The following AK7 variants were observed in gnomAD, a reference collection of about 807,000 sequenced individuals.
The protein encoded by AK7 is ATP-AMP transphosphorylase 7.
In AK7, 78 loss-of-function variants were observed where a neutral mutation model predicts 96.6. That is an observed-to-expected ratio of 0.81 (90% CI 0.67 to 0.97). The LOEUF is 0.97. Ranked by LOEUF, AK7 falls within the 50% of genes least tolerant of loss-of-function variation. AK7 has a pLI of 0.00. For synonymous variants in AK7, 302 were observed against 317.2 expected, an observed-to-expected ratio of 0.95 and a Z score of 0.51; for missense variants, 855 against 887.9, an observed-to-expected ratio of 0.96 and a Z score of 0.47.
At chr14:96,413,971 G>A (rs1891184295) in intron 4 of AK7, among the ~76,000 whole-genome samples, 1 of 152,132 alleles carries the variant, frequency 6.6e-6, no homozygotes, top group Admixed American at 6.6e-5. Context: ...AGCCATGATG[G>A]TTCTATTCTT....
intron 3 of AK7, among the ~76,000 whole-genome samples, chr14:96,407,220 G>C (rs992649563): frequency 2.0e-5 from 3 of 152,132 alleles, no homozygotes; most frequent in Non-Finnish European, 4.4e-5. Flanking sequence ...ACCTCAAAGT[G>C]TGCCAAGTAT....
At chr14:96,452,433 G>A (rs545667475) in intron 10 of AK7, among the ~76,000 whole-genome samples, 22 of 151,010 alleles carry the variant, frequency 1.5e-4, no homozygotes, top group East Asian at 3.9e-4. Flanking sequence ...AGTGATTCTC[G>A]TGCCTCAGCC....
chr14:96,469,415 CT>C (rs963742531), intron 12 of AK7, among the ~76,000 whole-genome samples: 4 of 152,054 alleles, frequency 2.6e-5, no homozygotes, highest in African/African-American at 9.7e-5. Flanking sequence ...ATCCCAGCTA[CT>C]CGGGAGGCTG....
chr14:96,423,481 A>C (rs959782871), intron 5 of AK7, among the ~76,000 whole-genome samples: 4 of 151,570 alleles, frequency 2.6e-5, no homozygotes, highest in Non-Finnish European at 5.9e-5. Context: ...CCCCAAAATG[A>C]AGTTCAAAAT....
At chr14:96,480,725 GA>G (rs966447872) in intron 15 of AK7, among the ~76,000 whole-genome samples, 4 of 152,034 alleles carry the variant, frequency 2.6e-5, no homozygotes, top group African/African-American at 7.2e-5. Context: ...GAAATGTTGA[GA>G]AAAAAAATAA....
intron 4 of AK7, among the ~76,000 whole-genome samples, chr14:96,418,078 T>G (rs1377456730): frequency 1.3e-5 from 2 of 151,894 alleles, no homozygotes; most frequent in Admixed American, 6.6e-5. Context: ...ATTCCAGCAC[T>G]TTGGGAGGCC....
At chr14:96,467,039 G>A (rs1365489000) in intron 12 of AK7, among the ~76,000 whole-genome samples, 2 of 94,464 alleles carry the variant, frequency 2.1e-5, no homozygotes, top group African/African-American at 7.8e-5. Flanking sequence ...AAGTGTAGAC[G>A]AATATGTAAA....
In AK7 at chr14:96,456,486, A is replaced by C; in HGVS notation, c.1227+11A>C. The C allele has an allele frequency of 6.2e-7, 1 of 1,612,084 alleles. No homozygotes were observed. Among genetic ancestry groups the C allele is most frequent in the South Asian group, 1.1e-5 (1 of 90,938 alleles). On this transcript the variant is annotated intron_variant, in intron 11 of 17. Coordinates refer to ENST00000267584, the MANE Select transcript of AK7 (RefSeq NM_152327.5). ...GCCATAGCAAAACTGGTAACACTTT[A>C]AACTATTTTCCTGGGCATTTTAATT...
intron 5 of AK7, 49 bp from the exon 6 acceptor site, chr14:96,437,785 TG>T (rs759519981): frequency 7.1e-7 from 1 of 1,402,376 alleles, no homozygotes; most frequent in South Asian, 1.2e-5. Flanking sequence ...TGGTTCAGTA[TG>T]ACTAATAATA....
Position 96,488,453 on chromosome 14 carries a change from TG to T in AK7, c.*111del. The T allele has an allele frequency of 1.1e-6, 1 of 914,148 alleles. No homozygotes were observed. The highest frequency in any genetic ancestry group is 1.7e-6 in the Non-Finnish European group (1 of 603,582). The allele number at this position is 914,148 out of a possible 1,614,324, so 56.6% of individuals were successfully genotyped here. ...TCCAGTTCTTAGAAAATTCTTTTTT[TG>T]TAGACAAATATTCTATAAACTAGAA... On this transcript the variant is annotated 3_prime_UTR_variant, in exon 18 of 18. Coordinates refer to ENST00000267584, the MANE Select transcript of AK7 (RefSeq NM_152327.5).
chr14:96,444,874 C>A (rs368427355), intron 7 of AK7, among the ~76,000 whole-genome samples: 11 of 152,112 alleles, frequency 7.2e-5, no homozygotes, highest in African/African-American at 2.7e-4. Flanking sequence ...CCGGCCACCA[C>A]GCCTGGCTAT....
At chr14:96,403,114 T>TTAAATAAA (rs59930782) in intron 2 of AK7, among the ~76,000 whole-genome samples, 33,627 of 139,842 alleles carry the variant, frequency 0.24, 4,313 homozygotes, top group Middle Eastern at 0.36. Context: ...AGACTCTGTC[T>TTAAATAAA]TAAATAAATA....
chr14:96,467,345 G>A (rs1330071209), intron 12 of AK7, among the ~76,000 whole-genome samples: 6 of 104,338 alleles, frequency 5.8e-5, no homozygotes, highest in African/African-American at 1.7e-4. Flanking sequence ...TTTTTTTTTT[G>A]GCAACAGATT....
At chr14:96,471,362 A>G in intron 12 of AK7, 116 bp from the exon 13 acceptor site, 2 of 427,358 alleles carry the variant, frequency 4.7e-6, no homozygotes, top group Non-Finnish European at 7.8e-6. Flanking sequence ...AAAGCAAAAT[A>G]GGGATTTCCA....
At chr14:96,402,434 C>T in intron 2 of AK7, among the ~76,000 whole-genome samples, 1 of 152,174 alleles carries the variant, frequency 6.6e-6, no homozygotes, top group Non-Finnish European at 1.5e-5. Flanking sequence ...TTTCTGTGGA[C>T]ACCACTCCCA....
At chr14:96,438,683 T>C (rs1014075987) in intron 6 of AK7, among the ~76,000 whole-genome samples, 4 of 152,002 alleles carry the variant, frequency 2.6e-5, no homozygotes, top group Non-Finnish European at 1.5e-5. Flanking sequence ...TCTGAGTGAG[T>C]TGGACAACCA....
At chr14:96,431,509 C>T (rs548185182) in intron 5 of AK7, among the ~76,000 whole-genome samples, 13 of 152,234 alleles carry the variant, frequency 8.5e-5, no homozygotes, top group Admixed American at 4.6e-4. Flanking sequence ...GCCTTCGTTT[C>T]GTTATTTACC....
chr14:96,435,742 C>G (rs934362081), intron 5 of AK7, among the ~76,000 whole-genome samples: 3 of 152,176 alleles, frequency 2.0e-5, no homozygotes, highest in Admixed American at 6.5e-5. Context: ...CCCTCTGACT[C>G]AGGCTGGTTT....
chr14:96,485,554 C>G (rs142060854), intron 16 of AK7, among the ~76,000 whole-genome samples: 39 of 152,262 alleles, frequency 2.6e-4, no homozygotes, highest in Non-Finnish European at 4.6e-4. Flanking sequence ...AAACTATGCA[C>G]GTGCCTGGCA....
Sources: gnomAD v4.1 joint callset for allele counts (sites outside exome capture counted in the v4.1 genomes callset) on GRCh38, gnomAD v4.1.1 for gene constraint, MANE v1.5 for transcripts, NCBI Gene and HGNC (gene_info 2026-07-23, HGNC 2026-07-21) for gene names.